Variants in PAX5 observed in about 807,000 individuals in gnomAD.
PAX5 encodes the protein paired box protein Pax-5.
Under a neutral mutation model 43.7 loss-of-function variants are expected in PAX5, and 9 were observed. That is an observed-to-expected ratio of 0.21 (90% CI 0.12 to 0.36). The LOEUF is 0.36. Among genes scored for constraint, PAX5 ranks in the 10% least tolerant of loss-of-function variants. PAX5 has a pLI of 1.00. For missense variants in PAX5, 383 were observed against 532.7 expected (o/e 0.72, Z 2.77); for synonymous variants, 228 against 214.3 (o/e 1.06, Z -0.56).
chr9:37,026,689 A>G, intron 1 of PAX5: 3 of 1,317,544 alleles, frequency 2.3e-6, no homozygotes, highest in Non-Finnish European at 3.0e-6. Flanking sequence ...AGCTGGGCTC[A>G]GAAAACACTG....
At chr9:36,909,119 A>G (rs1054469404) in intron 7 of PAX5, among the ~76,000 whole-genome samples, 5 of 152,200 alleles carry the variant, frequency 3.3e-5, no homozygotes, top group East Asian at 1.9e-4. Context: ...CCAAAATTCT[A>G]GGTTTCTAGG....
At chr9:36,859,900 T>C (rs931764454) in intron 8 of PAX5, among the ~76,000 whole-genome samples, 1 of 151,684 alleles carries the variant, frequency 6.6e-6, no homozygotes, top group African/African-American at 2.4e-5. Flanking sequence ...CCAGGCATGG[T>C]GGTGGGCACC....
chr9:36,936,850 G>GCACA (rs3059895), intron 6 of PAX5, among the ~76,000 whole-genome samples: 18 of 145,944 alleles, frequency 1.2e-4, no homozygotes, highest in South Asian at 2.2e-4. Context: ...ACACACACAT[G>GCACA]CACACACACA....
At position 36,895,185 on chromosome 9, in the gene PAX5, G is replaced by A. The variant is rs1011733071; in HGVS notation, c.911-13080C>T. On this transcript the variant is annotated intron_variant, in intron 7 of 9. Transcript: ENST00000358127. Reference sequence around the variant, plus strand: ...GGTCTAAATGCGGAAGACGAGAGGCGCAGAGGGAAGCAGGCCTGTGCACAA... The same window carrying A: ...GGTCTAAATGCGGAAGACGAGAGGCACAGAGGGAAGCAGGCCTGTGCACAA... 7.2e-5 allele frequency among the ~76,000 whole-genome samples: 11 copies of A among 152,242 alleles called. No homozygotes were observed. The East Asian group carries it at 1.3e-3, about 19-fold the overall frequency.
At chr9:36,983,683 A>G (rs1194039875) in intron 5 of PAX5, among the ~76,000 whole-genome samples, 1 of 152,178 alleles carries the variant, frequency 6.6e-6, no homozygotes, top group Non-Finnish European at 1.5e-5. Flanking sequence ...CATGTTGCCC[A>G]GGCTGGTCTT....
At chr9:36,923,608 G>A (rs1830358753) in intron 6 of PAX5, 124 bp from the exon 7 acceptor site, 1 of 1,114,710 alleles carries the variant, frequency 9.0e-7, no homozygotes, top group Non-Finnish European at 1.3e-6. Flanking sequence ...AGGCCCACAA[G>A]GGGCTCATGA....
chr9:36,978,859 GC>G (rs1016589788), intron 5 of PAX5, among the ~76,000 whole-genome samples: 6 of 152,176 alleles, frequency 3.9e-5, no homozygotes, highest in Non-Finnish European at 7.3e-5. Flanking sequence ...GCAGCAGGCA[GC>G]CCCAGCCAGG....
At chr9:36,863,982 G>A (rs1402137666) in intron 8 of PAX5, among the ~76,000 whole-genome samples, 1 of 152,174 alleles carries the variant, frequency 6.6e-6, no homozygotes, top group Non-Finnish European at 1.5e-5. Flanking sequence ...GGTGGCATGT[G>A]CCTGTAGTCC....
At chr9:37,031,088 G>A (rs933658193) in intron 1 of PAX5, among the ~76,000 whole-genome samples, 3 of 152,280 alleles carry the variant, frequency 2.0e-5, no homozygotes, top group Non-Finnish European at 4.4e-5. Flanking sequence ...CCCTGGATCA[G>A]GAGTCTGCTC....
At chr9:36,943,529 T>TACAC (rs1554668821) in intron 6 of PAX5, among the ~76,000 whole-genome samples, 6,893 of 145,836 alleles carry the variant, frequency 0.047, 228 homozygotes, top group Middle Eastern at 0.097. Flanking sequence ...TAGTTCAACA[T>TACAC]ACACACACAC....
In PAX5 at chr9:36,946,246, CT is replaced by C. The variant is rs549272244; in HGVS notation, c.780+20302del. On this transcript the variant is annotated intron_variant, in intron 6 of 9. Transcript: ENST00000358127. ...GGCTCGCAGAGGGGCCATGGCCCAG[CT>C]GCCCCTGAGCTTCAGGAACTCCGCA... 6.2e-4 allele frequency among the ~76,000 whole-genome samples: 94 copies of C among 152,326 alleles called. 3 individuals carry two copies. In the South Asian group the frequency reaches 0.02, roughly 32 times the overall value.
intron 8 of PAX5, among the ~76,000 whole-genome samples, chr9:36,862,170 CA>C (rs1162460801): frequency 1.3e-5 from 2 of 152,120 alleles, no homozygotes; most frequent in Non-Finnish European, 2.9e-5. Flanking sequence ...AAGCCTGTCA[CA>C]AAAGCCATAA....
At chr9:37,001,810 CTT>C (rs3073720) in intron 5 of PAX5, among the ~76,000 whole-genome samples, 8 of 87,996 alleles carry the variant, frequency 9.1e-5, no homozygotes, top group East Asian at 4.0e-4. Context: ...ACAGCTCTGG[CTT>C]TTTTTTTTTT....
chr9:36,983,572 G>A lies in PAX5; in HGVS notation c.605-16848C>T, dbSNP rs558331738. On this transcript the variant is annotated intron_variant, in intron 5 of 9. Coordinates refer to ENST00000358127, the MANE Select transcript of PAX5 (RefSeq NM_016734.3). ...TTCATTTTAGGATAGCAAAGGAAGC[G>A]CTACAAAATACTTGTTTTAAAGAGG... 2.6e-4 allele frequency among the ~76,000 whole-genome samples: 39 copies of A among 152,226 alleles called. 1 individual carries two copies. The South Asian group carries it at 6.4e-3, about 25-fold the overall frequency.
At chr9:36,954,023 G>A (rs373171280) in intron 6 of PAX5, among the ~76,000 whole-genome samples, 70 of 152,268 alleles carry the variant, frequency 4.6e-4, no homozygotes, top group African/African-American at 1.7e-3. Flanking sequence ...AGTGAGCTGA[G>A]ATCATGCCAC....
chr9:37,031,909 A>C (rs959285096), intron 1 of PAX5, among the ~76,000 whole-genome samples: 1 of 152,244 alleles, frequency 6.6e-6, no homozygotes, highest in Non-Finnish European at 1.5e-5. Context: ...AATACCCAGA[A>C]GTTGGGAGAA....
At chr9:36,943,299 A>T (rs1230311427) in intron 6 of PAX5, among the ~76,000 whole-genome samples, 1 of 152,080 alleles carries the variant, frequency 6.6e-6, no homozygotes, top group Non-Finnish European at 1.5e-5. Flanking sequence ...CTCAGTGCCT[A>T]CCTGTCTGGC....
At chr9:36,960,131 G>A (rs1833834362) in intron 6 of PAX5, among the ~76,000 whole-genome samples, 1 of 152,234 alleles carries the variant, frequency 6.6e-6, no homozygotes, top group African/African-American at 2.4e-5. Flanking sequence ...AGGCCTCACA[G>A]GGCAGGCAGG....
chr9:36,911,143 G>C (rs1330398224), intron 7 of PAX5, among the ~76,000 whole-genome samples: 2 of 152,052 alleles, frequency 1.3e-5, no homozygotes, highest in Non-Finnish European at 2.9e-5. Flanking sequence ...CACATGCCCT[G>C]GTAAAATTAC....
Sources: gnomAD v4.1 joint callset for allele counts (sites outside exome capture counted in the v4.1 genomes callset) on GRCh38, gnomAD v4.1.1 for gene constraint, MANE v1.5 for transcripts, NCBI Gene and HGNC (gene_info 2026-07-23, HGNC 2026-07-21) for gene names.